Variants in STXBP4 observed in about 807,000 individuals in gnomAD.
The protein encoded by STXBP4 is syntaxin binding protein 4.
A neutral mutation model predicts 76.1 loss-of-function variants in STXBP4; 55 were observed. That is an observed-to-expected ratio of 0.72 (90% confidence interval 0.58 to 0.91). The LOEUF is 0.91. Among genes scored for constraint, STXBP4 ranks in the 40% least tolerant of loss-of-function variants. STXBP4 has a pLI of 0.00. For synonymous variants in STXBP4, 201 were observed against 220.2 expected, an observed-to-expected ratio of 0.91 and a Z score of 0.77; for missense variants, 618 against 636.9, an observed-to-expected ratio of 0.97 and a Z score of 0.32.
chr17:54,997,582 A>T (rs2077829148), intron 4 of STXBP4, among the ~76,000 whole-genome samples: 1 of 145,890 alleles, frequency 6.9e-6, no homozygotes, highest in Non-Finnish European at 1.5e-5. Flanking sequence ...ATATAAATAT[A>T]TATATATTTT....
At chr17:55,158,652 A>G (rs947276475) in intron 17 of STXBP4, among the ~76,000 whole-genome samples, 2 of 152,162 alleles carry the variant, frequency 1.3e-5, no homozygotes, top group Admixed American at 1.3e-4. Flanking sequence ...GACATACCCA[A>G]TATCTTTTGT....
chr17:55,141,981 G>T (rs557452274), intron 17 of STXBP4, among the ~76,000 whole-genome samples: 1 of 152,264 alleles, frequency 6.6e-6, no homozygotes, highest in Admixed American at 6.5e-5. Context: ...ACCTCTTGAG[G>T]TATGTATACC....
chr17:55,136,212 A>G (rs2080027257), intron 16 of STXBP4, among the ~76,000 whole-genome samples: 1 of 152,130 alleles, frequency 6.6e-6, no homozygotes, highest in South Asian at 2.1e-4. Context: ...ACAATTCTTT[A>G]TGCCTTTGGA....
At chr17:55,189,521 G>A in the STXBP4 span, among the ~76,000 whole-genome samples, 3 of 152,158 alleles carry the variant, frequency 2.0e-5, no homozygotes. Context: ...CAAGAAACAG[G>A]CTGCCCATCA....
chr17:55,182,457 G>A, the STXBP4 span, among the ~76,000 whole-genome samples: 3 of 152,122 alleles, frequency 2.0e-5, no homozygotes, highest in African/African-American at 7.2e-5. Flanking sequence ...ATGAAGTACA[G>A]TGAGAATATG....
intron 16 of STXBP4, among the ~76,000 whole-genome samples, chr17:55,126,920 T>C (rs1448829527): frequency 6.6e-6 from 1 of 152,208 alleles, no homozygotes; most frequent in Non-Finnish European, 1.5e-5. Context: ...CATTTTGTAA[T>C]GGGATTTCTC....
intron 17 of STXBP4, 83 bp from the exon 18 acceptor site, chr17:55,159,714 G>A: frequency 1.2e-6 from 1 of 848,142 alleles, no homozygotes; most frequent in Non-Finnish European, 1.9e-6. Context: ...TAGGGTAGAA[G>A]CAATGTCACC....
Position 55,168,523 on chromosome 17 carries a change from A to T in STXBP4, c.*8612A>T, listed in dbSNP as rs2080389764. On this transcript the variant is annotated 3_prime_UTR_variant, in exon 18 of 18. Coordinates refer to ENST00000376352, the MANE Select transcript of STXBP4 (RefSeq NM_178509.6). ...TTTTGTGTGTAACTGAAAATGAAAA[A>T]AAGATTTAAAATATGACTTAGTAGT... 6.6e-6 allele frequency: 1 copy of T among 152,206 alleles called. No individual in the cohort carries two copies. The highest frequency in any genetic ancestry group is 1.5e-5 in the Non-Finnish European group (1 of 68,024). 9.4% of individuals were successfully genotyped at this position (152,206 alleles called of 1,614,324 possible).
At chr17:54,971,322 A>G (rs2077397556) in intron 1 of STXBP4, among the ~76,000 whole-genome samples, 1 of 152,214 alleles carries the variant, frequency 6.6e-6, no homozygotes, top group African/African-American at 2.4e-5. Flanking sequence ...TAAACAACAG[A>G]AATACTTGTT....
intron 8 of STXBP4, among the ~76,000 whole-genome samples, chr17:55,017,755 C>T (rs759916501): frequency 6.6e-6 from 1 of 152,222 alleles, no homozygotes; most frequent in Non-Finnish European, 1.5e-5. Flanking sequence ...AAATTGAAAG[C>T]GGAAGCTGGT....
At chr17:55,113,217 C>CCACACACACA (rs10611316) in intron 16 of STXBP4, among the ~76,000 whole-genome samples, 103 of 141,422 alleles carry the variant, frequency 7.3e-4, no homozygotes, top group African/African-American at 2.1e-3. Flanking sequence ...GGTGCTCTTA[C>CCACACACACA]CACACACACA....
chr17:55,001,558 A>G (rs900640396), intron 7 of STXBP4, among the ~76,000 whole-genome samples: 1 of 152,180 alleles, frequency 6.6e-6, no homozygotes, highest in Non-Finnish European at 1.5e-5. Flanking sequence ...CTGAAAAACT[A>G]ATTATATATG....
chr17:55,028,417 T>G (rs756267884), intron 8 of STXBP4, among the ~76,000 whole-genome samples: 4 of 152,170 alleles, frequency 2.6e-5, no homozygotes, highest in Non-Finnish European at 5.9e-5. Flanking sequence ...CACTATAGTG[T>G]GACAATTTTT....
chr17:54,984,171 C>T (rs2077590509), intron 1 of STXBP4, among the ~76,000 whole-genome samples: 1 of 151,896 alleles, frequency 6.6e-6, no homozygotes, highest in Non-Finnish European at 1.5e-5. Flanking sequence ...GTGTTTGGGG[C>T]CCATTCAGTT....
intron 16 of STXBP4, among the ~76,000 whole-genome samples, chr17:55,095,821 A>G (rs905655861): frequency 2.6e-5 from 4 of 152,188 alleles, no homozygotes; most frequent in African/African-American, 9.7e-5. Flanking sequence ...CAAGTTTGGA[A>G]AGGACAATGT....
chr17:55,108,517 A>G (rs1598320469), intron 16 of STXBP4, among the ~76,000 whole-genome samples: 1 of 152,140 alleles, frequency 6.6e-6, no homozygotes, highest in Non-Finnish European at 1.5e-5. Context: ...TTTGTGCTTG[A>G]AACCCTGGAC....
At position 55,078,691 on chromosome 17, in the gene STXBP4, T is replaced by C. The variant is rs1348798842; in HGVS notation, c.1311T>C (p.Ile437=). ...ACCATCTTGTTTGTTGCTAGGCTAT[T>C]CAAGAAGTATTTTCTGATAATTCTA... ...TEKLLHFVEA[I]QEVFSDNSTP... The change falls in exon 15 of 18, where the codon ATT becomes ATC. Residue 437 remains isoleucine (I), a synonymous_variant. Transcript: ENST00000376352. 1 of 1,563,364 alleles carries C rather than the reference T, an allele frequency of 6.4e-7. No individual in the cohort carries two copies. Among genetic ancestry groups the C allele is most frequent in the East Asian group, 2.2e-5 (1 of 44,512 alleles).
intron 16 of STXBP4, among the ~76,000 whole-genome samples, chr17:55,083,712 T>A (rs2079287678): frequency 6.6e-6 from 1 of 152,166 alleles, no homozygotes; most frequent in Non-Finnish European, 1.5e-5. Context: ...AACACCTACC[T>A]ATATTTGGCC....
At chr17:55,140,513 G>A (rs1244384286) in intron 16 of STXBP4, among the ~76,000 whole-genome samples, 2 of 151,998 alleles carry the variant, frequency 1.3e-5, no homozygotes, top group African/African-American at 4.8e-5. Context: ...TGGAACAGAG[G>A]GGTGGAAACC....
Sources: allele counts gnomAD v4.1 joint callset (sites outside exome capture counted in the v4.1 genomes callset), GRCh38; gene constraint gnomAD v4.1.1; transcripts MANE v1.5; gene names NCBI Gene and HGNC (gene_info 2026-07-23, HGNC 2026-07-21).